Variants in SERPINB6 observed in about 807,000 individuals in gnomAD.
SERPINB6 encodes serpin family B member 6.
SERPINB6 carries 16 observed loss-of-function variants against 26.1 expected under a neutral mutation model. The observed-to-expected ratio is 0.61, with a 90% CI of 0.42 to 0.93. The LOEUF is 0.93. Among genes scored for constraint, SERPINB6 ranks in the 40% least tolerant of loss-of-function variants. The pLI is 0.00. For synonymous variants in SERPINB6, 174 were observed against 176.6 expected (o/e 0.99, Z 0.11); for missense variants, 420 against 478.0 (o/e 0.88, Z 1.13).
intron 1 of SERPINB6, among the ~76,000 whole-genome samples, chr6:2,964,359 G>T (rs1247555993): frequency 1.3e-5 from 2 of 151,828 alleles, no homozygotes; most frequent in African/African-American, 2.4e-5. Context: ...TATAAATAGG[G>T]CTAATAATAA....
At chr6:2,956,973 A>G (rs1770575999) in intron 2 of SERPINB6, 1 of 152,196 alleles carries the variant, frequency 6.6e-6, no homozygotes, top group African/African-American at 2.4e-5. Context: ...GAAATAATCA[A>G]TCATTGTTAT....
intron 1 of SERPINB6, chr6:2,961,895 C>CTT: frequency 3.5e-6 from 3 of 858,360 alleles, no homozygotes; most frequent in South Asian, 5.3e-5. Context: ...GACTCTTACG[C>CTT]TTTTTTTTTT....
At chr6:2,961,607 C>T (rs573141135) in intron 1 of SERPINB6, among the ~76,000 whole-genome samples, 1 of 152,298 alleles carries the variant, frequency 6.6e-6, no homozygotes, top group African/African-American at 2.4e-5. Flanking sequence ...AAGCAAGAAG[C>T]ACAGCCTGTG....
intron 3 of SERPINB6, 99 bp from the exon 4 acceptor site, chr6:2,954,808 T>G (rs559330278): frequency 1.2e-6 from 1 of 807,774 alleles, no homozygotes; most frequent in Non-Finnish European, 2.2e-6. Context: ...TATAATTTTA[T>G]GATTGACATA....
In SERPINB6 at chr6:2,970,465, G is replaced by A. The variant is rs900215311; in HGVS notation, c.-11+1068C>T. On this transcript the variant is annotated intron_variant, in intron 1 of 6. Transcript: ENST00000380539. ...GGTGTTAATCCCAGCACACATAAAA[G>A]CCCCAGCAATACAAGGCCGGCCCAG... The A allele has an allele frequency of 1.0e-5, 11 of 1,104,268 alleles. No homozygotes were observed. In the South Asian group the frequency reaches 4.0e-4, roughly 41 times the overall value. The allele number at this position is 1,104,268 out of a possible 1,614,324, so 68.4% of individuals were successfully genotyped here. A position where few individuals can be genotyped will look rare whatever the true frequency, so the allele number is the denominator to read the frequency against.
intron 5 of SERPINB6, among the ~76,000 whole-genome samples, chr6:2,951,038 T>G (rs1453599176): frequency 6.6e-6 from 1 of 152,198 alleles, no homozygotes; most frequent in Non-Finnish European, 1.5e-5. Context: ...TGTGGCTACA[T>G]GTACCATCTC....
Position 2,948,685 on chromosome 6 carries a change from G to C in SERPINB6, c.744C>G (p.Leu248=). The C allele has an allele frequency of 1.2e-6, 2 of 1,614,160 alleles. No homozygotes were observed. Among genetic ancestry groups the C allele is most frequent in the Non-Finnish European group, 1.7e-6 (2 of 1,179,988 alleles). The change falls in exon 7 of 7, where the codon CTC becomes CTG. Residue 248 remains leucine (L), a synonymous_variant. Coordinates refer to ENST00000380539, the MANE Select transcript of SERPINB6 (RefSeq NM_004568.6). The surrounding 1 kb of genome is among the most constrained non-coding windows in gnomAD (Gnocchi z 5.0). ...TTDLRTVEKE[L]TYEKFVEWTR... is the part of the protein sequence containing the mutation. ...TCCATTCTACGAACTTCTCGTAAGT[G>C]AGTTCTTTCTCCACCTAGAGGGAGA...
intron 1 of SERPINB6, chr6:2,966,431 T>A: frequency 2.0e-6 from 2 of 986,688 alleles, no homozygotes; most frequent in Non-Finnish European, 2.4e-6. Context: ...CAGATCCGTC[T>A]GTGGTCTGTT....
intron 1 of SERPINB6, chr6:2,963,372 T>G (rs1771324236): frequency 6.6e-6 from 1 of 152,130 alleles, no homozygotes; most frequent in Non-Finnish European, 1.5e-5. Context: ...AGCAAAGAAA[T>G]CGGGCCTTAG....
intron 1 of SERPINB6, 172 bp downstream of exon 1, chr6:2,971,361 A>G (rs1466517451): frequency 9.8e-6 from 2 of 204,970 alleles, no homozygotes; most frequent in African/African-American, 2.4e-5. Context: ...CCGCGCGGCC[A>G]CGCCCCATTC....
chr6:2,962,248 A>G, intron 1 of SERPINB6: 1 of 979,724 alleles, frequency 1.0e-6, no homozygotes, highest in Non-Finnish European at 1.2e-6. Flanking sequence ...GGTGCACATG[A>G]GTTTCACTGT....
At position 2,961,920 on chromosome 6, in the gene SERPINB6, C is replaced by T. The variant is rs551800949; in HGVS notation, c.-10-2578G>A. 8.1e-6 allele frequency: 8 copies of T among 984,730 alleles called. No individual in the cohort carries two copies. The East Asian group carries it at 9.1e-4, about 112-fold the overall frequency. The allele number at this position is 984,730 out of a possible 1,614,324, so 61.0% of individuals were successfully genotyped here. A position where few individuals can be genotyped will look rare whatever the true frequency, so the allele number is the denominator to read the frequency against. On this transcript the variant is annotated intron_variant, in intron 1 of 6. Transcript: ENST00000380539. ...CTTTTTTTTTTGTAGAGACAAGGTT[C>T]TTGCCACCTTGCCCAGGCTGCTCTC...
chr6:2,962,315 G>A (rs1771209759), intron 1 of SERPINB6: 1 of 691,536 alleles, frequency 1.4e-6, no homozygotes, highest in Non-Finnish European at 1.8e-6. Flanking sequence ...GATATTCGGA[G>A]GAGAAGTCAG....
chr6:2,964,832 T>G (rs1771460704), intron 1 of SERPINB6, among the ~76,000 whole-genome samples: 1 of 152,240 alleles, frequency 6.6e-6, no homozygotes, highest in Non-Finnish European at 1.5e-5. Flanking sequence ...TGTTTTATTT[T>G]ATGTATGTAT....
chr6:2,962,184 G>T, intron 1 of SERPINB6: 1 of 985,492 alleles, frequency 1.0e-6, no homozygotes, highest in Non-Finnish European at 1.2e-6. Context: ...CGCCCACTGG[G>T]GAGGTGCCTG....
Position 2,959,284 on chromosome 6 carries a change from T to C in SERPINB6, c.49A>G (p.Lys17Glu), listed in dbSNP as rs761297437. 1.2e-6 allele frequency: 2 copies of C among 1,614,216 alleles called. No homozygotes were observed. The highest frequency in any genetic ancestry group is 1.7e-6 in the Non-Finnish European group (2 of 1,180,028). Residue 17 changes from lysine to glutamate, a missense_variant, in exon 2 of 7, where the codon AAA (lysine) becomes GAA (glutamate). Lys to Glu is a moderately conservative substitution (Grantham distance 56). Transcript: ENST00000380539. Reference protein sequence around the residue: ...ANGTFALNLLKTLGKDNSKNV... With the variant: ...ANGTFALNLLETLGKDNSKNV... ...TTCGAGTTGTCTTTACCCAGCGTTT[T>C]CAAAAGGTTTAAGGCAAAGGTGCCA...
At chr6:2,955,444 C>T in intron 3 of SERPINB6, 80 bp downstream of exon 3, 1 of 1,547,916 alleles carries the variant, frequency 6.5e-7, no homozygotes, top group Non-Finnish European at 8.9e-7. Context: ...CATTTAGAGC[C>T]ACACGCTTCC....
intron 4 of SERPINB6, among the ~76,000 whole-genome samples, chr6:2,953,540 G>T (rs1482216252): frequency 6.6e-6 from 1 of 152,190 alleles, no homozygotes; most frequent in East Asian, 1.9e-4. Flanking sequence ...CAAGCTTAAA[G>T]AACAGTTAGG....
chr6:2,961,954 G>A, intron 1 of SERPINB6: 1 of 984,208 alleles, frequency 1.0e-6, no homozygotes, highest in Non-Finnish European at 1.2e-6. Flanking sequence ...TCCAACGCCT[G>A]GCCTCAAGTG....
Sources: gnomAD v4.1 joint callset for allele counts (sites outside exome capture counted in the v4.1 genomes callset) on GRCh38, gnomAD v4.1.1 for gene constraint, Gnocchi (gnomAD v3.1) non-coding constraint, MANE v1.5 for transcripts, NCBI Gene and HGNC (gene_info 2026-07-23, HGNC 2026-07-21) for gene names.